ZMYND11: variants seen among roughly 807,000 people sequenced by gnomAD.
The protein encoded by ZMYND11 is zinc finger MYND domain-containing protein 11.
In ZMYND11, 9 loss-of-function variants were observed where a neutral mutation model predicts 84.9. The ratio of observed to expected loss-of-function variants is 0.11; its 90% CI spans 0.06 to 0.18. ZMYND11 has a LOEUF of 0.18. ZMYND11 is among the 10% of genes least tolerant of loss of function. The probability of loss-of-function intolerance (pLI) is 1.00; values close to 1 mark genes in which losing one functional copy is unlikely to be tolerated. For missense variants in ZMYND11, 409 were observed against 761.0 expected (o/e 0.54, Z 5.44); for synonymous variants, 250 against 244.1 (o/e 1.02, Z -0.23).
At chr10:223,731 G>T (rs1947572974) in intron 4 of ZMYND11, among the ~76,000 whole-genome samples, 1 of 152,152 alleles carries the variant, frequency 6.6e-6, no homozygotes, top group African/African-American at 2.4e-5. Context: ...TTGAGAAGGG[G>T]TAATAATAAT....
chr10:182,673 C>G (rs1415190838), intron 2 of ZMYND11, among the ~76,000 whole-genome samples: 3 of 152,158 alleles, frequency 2.0e-5, no homozygotes, highest in African/African-American at 7.2e-5. Flanking sequence ...GTCATTGTTT[C>G]CCTGCTAGAC....
intron 1 of ZMYND11, among the ~76,000 whole-genome samples, chr10:136,982 A>G (rs1425536007): frequency 6.6e-6 from 1 of 152,148 alleles, no homozygotes; most frequent in East Asian, 1.9e-4. Flanking sequence ...GGTGTTATCT[A>G]TGTTTTGTAT....
intron 2 of ZMYND11, among the ~76,000 whole-genome samples, chr10:200,353 T>C (rs1051601408): frequency 7.0e-6 from 1 of 143,620 alleles, no homozygotes; most frequent in African/African-American, 2.6e-5. Flanking sequence ...TATATACATA[T>C]ATGTGTATAT....
chr10:232,888 G>A (rs1949247380), intron 4 of ZMYND11, among the ~76,000 whole-genome samples: 1 of 152,132 alleles, frequency 6.6e-6, no homozygotes, highest in African/African-American at 2.4e-5. Context: ...CAGTAAAGTC[G>A]ATTGAGAGCA....
At chr10:244,073 C>T (rs1951615113) in intron 10 of ZMYND11, among the ~76,000 whole-genome samples, 1 of 152,112 alleles carries the variant, frequency 6.6e-6, no homozygotes, top group Admixed American at 6.5e-5. Context: ...GGTTGACAAA[C>T]TCACTGTGTA....
At position 196,553 on chromosome 10, in the gene ZMYND11, A is replaced by T. The variant is rs554072584; in HGVS notation, c.117-13336A>T. Among the ~76,000 whole-genome samples, 526 of 152,344 alleles carry T rather than the reference A, an allele frequency of 3.5e-3. 3 individuals are homozygous for T. Among genetic ancestry groups the T allele is most frequent in the African/African-American group, 0.012 (505 of 41,586 alleles). On this transcript the variant is annotated intron_variant, in intron 2 of 14. Coordinates refer to ENST00000381604, the MANE Select transcript of ZMYND11 (RefSeq NM_001370100.5). ...GAAGGAAAATCCATTCAACAAAATTAGTAGGTTATACATCATAAAATTTGA... is the reference window on the plus strand; with the variant it reads ...GAAGGAAAATCCATTCAACAAAATTTGTAGGTTATACATCATAAAATTTGA...
At position 161,388 on chromosome 10, in the gene ZMYND11, A is replaced by G. The variant is rs143306186; in HGVS notation, c.-19-18606A>G. 7.6e-4 allele frequency among the ~76,000 whole-genome samples: 116 copies of G among 152,342 alleles called. 1 individual carries two copies. Among genetic ancestry groups the G allele is most frequent in the African/African-American group, 2.5e-3 (105 of 41,590 alleles). On this transcript the variant is annotated intron_variant, in intron 1 of 14. Coordinates refer to ENST00000381604, the MANE Select transcript of ZMYND11 (RefSeq NM_001370100.5). ...CATCTACACAACACGGGCAGAGTAG[A>G]TATAGCATAATTCTTAAGGGCGCTA...
Position 225,684 on chromosome 10 carries a change from T to A in ZMYND11, c.438+4328T>A, listed in dbSNP as rs557122771. ...TTTTGCTTCATTTTCATATATATAG[T>A]TCCCAAATTACAAAGTCATTTTATA... On this transcript the variant is annotated intron_variant, in intron 4 of 14. Transcript: ENST00000381604. Among the ~76,000 whole-genome samples, 6 of 152,352 alleles carry A rather than the reference T, an allele frequency of 3.9e-5. No homozygotes were observed. The East Asian group carries it at 1.2e-3, about 29-fold the overall frequency.
At chr10:155,661 A>G (rs1384763178) in intron 1 of ZMYND11, among the ~76,000 whole-genome samples, 1 of 152,216 alleles carries the variant, frequency 6.6e-6, no homozygotes, top group Non-Finnish European at 1.5e-5. Context: ...TAAAAAGCAA[A>G]TTAAGACATG....
chr10:184,737 AC>A (rs1385067384), intron 2 of ZMYND11, among the ~76,000 whole-genome samples: 3 of 152,098 alleles, frequency 2.0e-5, no homozygotes, highest in African/African-American at 7.2e-5. Flanking sequence ...GGTCATTCTT[AC>A]GTGAAATCAC....
At chr10:241,935 T>G (rs1430309833) in intron 9 of ZMYND11, 86 bp from the exon 10 acceptor site, 3 of 1,462,828 alleles carry the variant, frequency 2.1e-6, no homozygotes, top group Non-Finnish European at 2.8e-6. Context: ...AAATAATGGA[T>G]TATATGTGAC....
intron 9 of ZMYND11, 48 bp downstream of exon 9, chr10:241,018 G>A: frequency 7.0e-7 from 1 of 1,424,966 alleles, no homozygotes; most frequent in Non-Finnish European, 9.7e-7. Context: ...CTCTAAGGAA[G>A]TTTATTTCCA....
chr10:238,389 C>G (rs1166704556), intron 6 of ZMYND11, among the ~76,000 whole-genome samples: 2 of 151,828 alleles, frequency 1.3e-5, no homozygotes, highest in Non-Finnish European at 2.9e-5. Context: ...CGGAGTCTCA[C>G]TCTGTCGCCC....
chr10:178,860 G>A (rs2130679017), intron 1 of ZMYND11, among the ~76,000 whole-genome samples: 1 of 152,248 alleles, frequency 6.6e-6, no homozygotes, highest in African/African-American at 2.4e-5. Context: ...TAGTTTATTT[G>A]TGTTTGCCTG....
At chr10:242,303 T>C (rs905566384) in intron 10 of ZMYND11, among the ~76,000 whole-genome samples, 164 bp downstream of exon 10, 1 of 152,154 alleles carries the variant, frequency 6.6e-6, no homozygotes, top group Non-Finnish European at 1.5e-5. Context: ...TTTCCAGATA[T>C]TTTTCAGATA....
At chr10:247,302 T>A in intron 11 of ZMYND11, 96 bp from the exon 12 acceptor site, 1 of 1,304,072 alleles carries the variant, frequency 7.7e-7, no homozygotes, top group Non-Finnish European at 1.1e-6. Flanking sequence ...GGTAGAAATG[T>A]ATTCACTTCT....
At chr10:236,789 T>G in intron 4 of ZMYND11, 49 bp from the exon 5 acceptor site, 1 of 1,500,044 alleles carries the variant, frequency 6.7e-7, no homozygotes. Context: ...AATATAGACA[T>G]AAGAATGATC....
chr10:138,666 G>T (rs1260790259), intron 1 of ZMYND11, among the ~76,000 whole-genome samples: 1 of 151,548 alleles, frequency 6.6e-6, no homozygotes, highest in African/African-American at 2.4e-5. Flanking sequence ...TAACCCTCTG[G>T]TATCAGATTT....
intron 1 of ZMYND11, among the ~76,000 whole-genome samples, chr10:145,535 T>C (rs1307577563): frequency 6.6e-6 from 1 of 152,202 alleles, no homozygotes; most frequent in African/African-American, 2.4e-5. Flanking sequence ...CATTCTCTTT[T>C]CTCCGCATCC....
Sources: gnomAD v4.1 joint callset for allele counts (sites outside exome capture counted in the v4.1 genomes callset) on GRCh38, gnomAD v4.1.1 for gene constraint, MANE v1.5 for transcripts, NCBI Gene and HGNC (gene_info 2026-07-23, HGNC 2026-07-21) for gene names.